The following ZNF157 variants were observed in gnomAD, a reference collection of about 807,000 sequenced individuals.
ZNF157 encodes zinc finger protein 157, also known as zinc finger protein 22.
Under a neutral mutation model 9.4 loss-of-function variants are expected in ZNF157, and 8 were observed. That is an observed-to-expected ratio of 0.85 (90% confidence interval 0.50 to 1.53). The LOEUF is 1.53. ZNF157 is among the 40% of genes most tolerant of loss of function. ZNF157 has a pLI of 0.00. For synonymous variants in ZNF157, 120 were observed against 130.8 expected (o/e 0.92, Z 0.56); for missense variants, 316 against 385.2 (o/e 0.82, Z 1.50).
At chrX:47,412,192 C>T (rs1269881680) in intron 3 of ZNF157, among the ~76,000 whole-genome samples, 177 bp from the exon 4 acceptor site, 1 of 112,151 alleles carries the variant, frequency 8.9e-6, no homozygotes, top group African/African-American at 3.2e-5. Flanking sequence ...CTCCTGACCT[C>T]AAGTGATCCG....
At chrX:47,387,194 C>T (rs1602763609) in intron 1 of ZNF157, among the ~76,000 whole-genome samples, 1 of 108,945 alleles carries the variant, frequency 9.2e-6, no homozygotes, top group African/African-American at 3.3e-5. Flanking sequence ...ACGATCTCAG[C>T]TCACTGCAAC....
chrX:47,392,340 A>G (rs992230514), intron 1 of ZNF157: 1 of 121,045 alleles, frequency 8.3e-6, no homozygotes, highest in Admixed American at 8.3e-5. Flanking sequence ...GGCCACTGTG[A>G]TGGCAACCTG....
intron 1 of ZNF157, among the ~76,000 whole-genome samples, chrX:47,397,568 C>G (rs1285873300): frequency 9.0e-6 from 1 of 110,946 alleles, no homozygotes; most frequent in African/African-American, 3.3e-5. Context: ...GTGCCTGCCA[C>G]CATGCCCAGC....
At chrX:47,384,431 T>C (rs1378851205) in intron 1 of ZNF157, among the ~76,000 whole-genome samples, 1 of 111,710 alleles carries the variant, frequency 9.0e-6, no homozygotes, top group Non-Finnish European at 1.9e-5. Flanking sequence ...GGAAAATTTG[T>C]AGATTTGAAC....
chrX:47,401,432 G>A (rs183562852), intron 1 of ZNF157, among the ~76,000 whole-genome samples: 215 of 112,241 alleles, frequency 1.9e-3, no homozygotes, highest in African/African-American at 5.3e-3. Flanking sequence ...CATAGCCTGC[G>A]TAAATATGGC....
At chrX:47,378,836 A>C (rs1033868060) in intron 1 of ZNF157, among the ~76,000 whole-genome samples, 1 of 108,059 alleles carries the variant, frequency 9.3e-6, no homozygotes, top group Non-Finnish European at 1.9e-5. Flanking sequence ...AGACTGTCTC[A>C]AAAAAAAAAC....
At chrX:47,402,696 C>G (rs180962979) in intron 1 of ZNF157, among the ~76,000 whole-genome samples, 3 of 107,717 alleles carry the variant, frequency 2.8e-5, no homozygotes, top group Non-Finnish European at 5.8e-5. Context: ...CCCGCCACCA[C>G]GCCCGGCTAA....
intron 1 of ZNF157, among the ~76,000 whole-genome samples, chrX:47,371,540 CT>C (rs1186485203): frequency 9.0e-6 from 1 of 111,313 alleles, no homozygotes; most frequent in Non-Finnish European, 1.9e-5. Context: ...CAGTATGTAC[CT>C]TTTGGGACTG....
At position 47,413,697 on chromosome X, in the gene ZNF157, T is replaced by C; in HGVS notation, c.*103T>C. On this transcript the variant is annotated 3_prime_UTR_variant, in exon 4 of 4. Transcript: ENST00000377073. ...GCACCTACATTTGTATCAAAGTATG[T>C]CCTGATCCCCTTAGGGGATAGCTCA... 1 of 1,103,297 alleles carries C rather than the reference T, an allele frequency of 9.1e-7. No individual in the cohort carries two copies. Among genetic ancestry groups the C allele is most frequent in the Non-Finnish European group, 1.2e-6 (1 of 835,059 alleles). 90.9% of individuals were successfully genotyped at this position (1,103,297 alleles called of 1,213,427 possible).
At chrX:47,384,633 C>G (rs767886032) in intron 1 of ZNF157, among the ~76,000 whole-genome samples, 1 of 112,201 alleles carries the variant, frequency 8.9e-6, no homozygotes, top group African/African-American at 3.2e-5. Flanking sequence ...CCTGGGGTGC[C>G]GCACAGACAG....
At chrX:47,385,121 G>A (rs2055875673) in intron 1 of ZNF157, among the ~76,000 whole-genome samples, 1 of 111,614 alleles carries the variant, frequency 9.0e-6, no homozygotes, top group Non-Finnish European at 1.9e-5. Context: ...TCCCAATGGC[G>A]TCCATTATAG....
chrX:47,375,285 G>A (rs1170335837), intron 1 of ZNF157, among the ~76,000 whole-genome samples: 1 of 109,276 alleles, frequency 9.2e-6, no homozygotes, highest in African/African-American at 3.3e-5. Context: ...AAAGTGCTGG[G>A]ATTATAGGCA....
intron 1 of ZNF157, among the ~76,000 whole-genome samples, chrX:47,397,241 C>CTTTTTTTTTTTT (rs769178786): frequency 1.7e-4 from 13 of 77,781 alleles, no homozygotes; most frequent in South Asian, 6.3e-4. Flanking sequence ...TTTTTTCTTT[C>CTTTTTTTTTTTT]TTTTTTTTTT....
At position 47,374,998 on chromosome X, in the gene ZNF157, C is replaced by CTTTTTTTTTTT. The variant is rs769541152; in HGVS notation, c.72+4284_72+4294dup. ...GTGAGCCCTGAGCCCGGCTGACAAT[C>CTTTTTTTTTTT]TTTTTTTTTTTTTTTTTTTTTTTTT... On this transcript the variant is annotated intron_variant, in intron 1 of 3. Coordinates refer to ENST00000377073, the MANE Select transcript of ZNF157 (RefSeq NM_003446.4). 6.4e-4 allele frequency among the ~76,000 whole-genome samples: 16 copies of CTTTTTTTTTTT among 24,991 alleles called. 6 individuals carry two copies. Among genetic ancestry groups the CTTTTTTTTTTT allele is most frequent in the Non-Finnish European group, 1.1e-3 (16 of 14,375 alleles). The allele number at this position is 24,991 out of a possible 115,157, so 21.7% of individuals were successfully genotyped here. A position where few individuals can be genotyped will look rare whatever the true frequency, so the allele number is the denominator to read the frequency against.
At chrX:47,384,217 G>A (rs1292965790) in intron 1 of ZNF157, among the ~76,000 whole-genome samples, 1 of 111,247 alleles carries the variant, frequency 9.0e-6, no homozygotes, top group Non-Finnish European at 1.9e-5. Context: ...TCCAGTCTAG[G>A]TGACAGAGCG....
At chrX:47,381,036 GGA>G (rs1917279803) in intron 1 of ZNF157, among the ~76,000 whole-genome samples, 1 of 103,907 alleles carries the variant, frequency 9.6e-6, no homozygotes, top group African/African-American at 3.5e-5. Flanking sequence ...AGGAGCAGGA[GGA>G]GGAGAAAGAG....
intron 1 of ZNF157, among the ~76,000 whole-genome samples, chrX:47,383,411 C>G (rs1317289992): frequency 1.8e-4 from 16 of 90,804 alleles, no homozygotes; most frequent in African/African-American, 6.3e-4. Context: ...AATGGGATGG[C>G]TGGGCTTTGT....
intron 1 of ZNF157, among the ~76,000 whole-genome samples, chrX:47,384,196 C>T (rs912469328): frequency 5.4e-5 from 6 of 110,504 alleles, no homozygotes; most frequent in Admixed American, 9.8e-5. Context: ...GCCGAGATCG[C>T]GCCACTGCAC....
chrX:47,386,706 C>T, intron 1 of ZNF157, among the ~76,000 whole-genome samples: 1 of 110,961 alleles, frequency 9.0e-6, no homozygotes. Flanking sequence ...GTGATCTGCC[C>T]ATTTCAGCCT....
Sources: allele counts gnomAD v4.1 joint callset (sites outside exome capture counted in the v4.1 genomes callset), GRCh38; gene constraint gnomAD v4.1.1; transcripts MANE v1.5; gene names NCBI Gene and HGNC (gene_info 2026-07-23, HGNC 2026-07-21).